PLXNB1: variants seen among roughly 807,000 people sequenced by gnomAD.
The protein encoded by PLXNB1 is plexin B1.
PLXNB1 carries 106 observed loss-of-function variants against 209.4 expected under a neutral mutation model. That is an observed-to-expected ratio of 0.51 (90% confidence interval 0.43 to 0.59). The LOEUF is 0.59. PLXNB1 is among the 20% of genes least tolerant of loss of function. The pLI, the probability that PLXNB1 is intolerant of heterozygous loss-of-function variation, is 0.00. For missense variants in PLXNB1, 2,357 were observed against 2,853.2 expected (o/e 0.83, Z 3.96); for synonymous variants, 1,167 against 1,183.2 (o/e 0.99, Z 0.28).
chr3:48,419,086 C>G lies in PLXNB1; in HGVS notation c.2833-47G>C. 1.9e-6 allele frequency: 3 copies of G among 1,605,922 alleles called. No individual in the cohort carries two copies. The highest frequency in any genetic ancestry group is 2.6e-6 in the Non-Finnish European group (3 of 1,173,782). On this transcript the variant is annotated intron_variant, in intron 12 of 37. Coordinates refer to ENST00000296440, the MANE Select transcript of PLXNB1 (RefSeq NM_001130082.3). This position sits in a 1 kb window ranked among gnomAD's most constrained non-coding sequence, Gnocchi z 5.7. Reference sequence around the variant, plus strand: ...GTTGGGCAGCTTCAGGAGCTGGGCCCAGGGAGTCCTGCAGGTCACCCAACA... The same window carrying G: ...GTTGGGCAGCTTCAGGAGCTGGGCCGAGGGAGTCCTGCAGGTCACCCAACA...
At position 48,424,189 on chromosome 3, in the gene PLXNB1, T is replaced by C; in HGVS notation, c.423A>G (p.Gln141=). The change falls in exon 3 of 38, where the codon CAA becomes CAG. Residue 141 remains glutamine (Q), a synonymous_variant. Coordinates refer to ENST00000296440, the MANE Select transcript of PLXNB1 (RefSeq NM_001130082.3). The part of the protein sequence containing the change: ...LLRPERPGDT[Q]YVAANDPAVS... Reference sequence around the variant, plus strand: ...CCGCAGGATCATTGGCAGCCACATATTGTGTGTCCCCAGGCCGCTCTGGCC... The same window carrying C: ...CCGCAGGATCATTGGCAGCCACATACTGTGTGTCCCCAGGCCGCTCTGGCC... 1 of 1,590,068 alleles carries C rather than the reference T, an allele frequency of 6.3e-7. No individual in the cohort carries two copies. Among genetic ancestry groups the C allele is most frequent in the Non-Finnish European group, 8.6e-7 (1 of 1,166,980 alleles).
At position 48,422,061 on chromosome 3, in the gene PLXNB1, T is replaced by C. The variant is rs76559400; in HGVS notation, c.1520+44A>G. ...TGGACAGGACAATTATGCAGGAGCATTGTGGGCTTGAGGCTGGGGCTGGGA... is the reference window on the plus strand; with the variant it reads ...TGGACAGGACAATTATGCAGGAGCACTGTGGGCTTGAGGCTGGGGCTGGGA... On this transcript the variant is annotated intron_variant, in intron 6 of 37. Transcript: ENST00000296440. 1.9e-3 allele frequency: 2,855 copies of C among 1,527,960 alleles called. 44 individuals are homozygous for C. The African/African-American group carries it at 0.033, about 18-fold the overall frequency. 94.7% of individuals were successfully genotyped at this position (1,527,960 alleles called of 1,614,324 possible).
At position 48,420,961 on chromosome 3, in the gene PLXNB1, A is replaced by G; in HGVS notation, c.1811-5T>C. The G allele has an allele frequency of 1.2e-6, 2 of 1,604,762 alleles. No homozygotes were observed. Among genetic ancestry groups the G allele is most frequent in the African/African-American group, 2.7e-5 (2 of 74,814 alleles). ...CCACGCTCACGGATACGTAGTCTGCAGAGGGGGAGAGAGGGCCAGGGTTAA... is the reference window on the plus strand; with the variant it reads ...CCACGCTCACGGATACGTAGTCTGCGGAGGGGGAGAGAGGGCCAGGGTTAA... On this transcript the variant is annotated splice_region_variant and splice_polypyrimidine_tract_variant and intron_variant, in intron 8 of 37. Coordinates refer to ENST00000296440, the MANE Select transcript of PLXNB1 (RefSeq NM_001130082.3).
Position 48,412,886 on chromosome 3 carries a change from CA to C in PLXNB1, c.4709del (p.Val1570GlyfsTer105). 6.2e-7 allele frequency: 1 copy of C among 1,614,022 alleles called. No homozygotes were observed. Among genetic ancestry groups the C allele is most frequent in the Non-Finnish European group, 8.5e-7 (1 of 1,180,030 alleles). On this transcript the variant is annotated frameshift_variant, in exon 25 of 38. Transcript: ENST00000296440. LOFTEE classifies it high-confidence loss of function. ...CAGGGAAGAAGATCCTCTCCGCATA[CA>C]CCTTGTAGTCGAGGAAGGGGATGCC... ...GSGIPFLDYK[V>X]YAERIFFPGH...
rs761853537 is a variant in PLXNB1, at chr3:48,409,296, C to T, written c.6087+33G>A. 6.4e-7 allele frequency: 1 copy of T among 1,555,350 alleles called. No homozygotes were observed. Among genetic ancestry groups the T allele is most frequent in the Non-Finnish European group, 8.6e-7 (1 of 1,158,836 alleles). ...CACACACAGCACTGTCCACCCTCAC[C>T]CATCCCCCCGTGTCCATCCCAGACT... On this transcript the variant is annotated intron_variant, in intron 34 of 37. Coordinates refer to ENST00000296440, the MANE Select transcript of PLXNB1 (RefSeq NM_001130082.3). This position sits in a 1 kb window ranked among gnomAD's most constrained non-coding sequence, Gnocchi z 5.8.
In PLXNB1 at chr3:48,418,656, A is replaced by AC. The variant is rs776664000; in HGVS notation, c.2956-115dup. 3.0e-6 allele frequency: 3 copies of AC among 997,726 alleles called. No homozygotes were observed. Among genetic ancestry groups the AC allele is most frequent in the Non-Finnish European group, 4.5e-6 (3 of 659,784 alleles). 61.8% of individuals were successfully genotyped at this position (997,726 alleles called of 1,614,324 possible). A position where few individuals can be genotyped will look rare whatever the true frequency, so the allele number is the denominator to read the frequency against. ...CAGTTAGGAGCATAGGGTCAGAGGGACCCCATGGGGCCACAAGTTGGAGGG... is the reference window on the plus strand; with the variant it reads ...CAGTTAGGAGCATAGGGTCAGAGGGACCCCCATGGGGCCACAAGTTGGAGGG... On this transcript the variant is annotated intron_variant, in intron 13 of 37. Transcript: ENST00000296440. This position sits in a 1 kb window ranked among gnomAD's most constrained non-coding sequence, Gnocchi z 6.6.
At position 48,424,234 on chromosome 3, in the gene PLXNB1, C is replaced by A. The variant is rs1297047832; in HGVS notation, c.378G>T (p.Gln126His). ...QGVCEQRRLGQLEQLLLRPER... is the reference protein window; with the variant it reads ...QGVCEQRRLGHLEQLLLRPER... ...CTGGCCGCAGCAGCAGCTGCTCGAGCTGCCCCAGGCGCCGCTGTTCACAGA... is the reference window on the plus strand; with the variant it reads ...CTGGCCGCAGCAGCAGCTGCTCGAGATGCCCCAGGCGCCGCTGTTCACAGA... The change falls in exon 3 of 38, where the codon CAG becomes CAT. Residue 126 changes from glutamine to histidine, a missense_variant. Gln to His is a conservative substitution (Grantham distance 24, BLOSUM62 0). Transcript: ENST00000296440. The A allele has an allele frequency of 6.2e-7, 1 of 1,601,048 alleles. No homozygotes were observed. Among genetic ancestry groups the A allele is most frequent in the Non-Finnish European group, 8.5e-7 (1 of 1,172,928 alleles).
At position 48,420,902 on chromosome 3, in the gene PLXNB1, G is replaced by A; in HGVS notation, c.1865C>T (p.Thr622Ile). ...LRFGAVVIAK[T>I]SLSFYDCVAV... is the part of the protein sequence containing the mutation. ...CACACAGTCATAGAAAGAGAGGGAA[G>A]TTTTGGCGATCACAACAGCGCCAAA... The change falls in exon 9 of 38, where the codon ACT becomes ATT. Residue 622 changes from threonine to isoleucine, a missense_variant. This residue lies in a region of PLXNB1 where 214 missense variants were observed against 297.1 expected (regional missense o/e 0.72). Transcript: ENST00000296440. 1.9e-6 allele frequency: 3 copies of A among 1,613,872 alleles called. No individual in the cohort carries two copies. Among genetic ancestry groups the A allele is most frequent in the Non-Finnish European group, 2.5e-6 (3 of 1,179,750 alleles).
In PLXNB1 at chr3:48,416,239, G is replaced by A; in HGVS notation, c.3481-72C>T. ...GAGGCAGGGACAGCCTGAGAGACAG[G>A]CTGGCCCAGGACTGGGAGCCCCACC... On this transcript the variant is annotated intron_variant, in intron 17 of 37. Transcript: ENST00000296440. This position sits in a 1 kb window ranked among gnomAD's most constrained non-coding sequence, Gnocchi z 4.1. 2 of 1,552,164 alleles carry A rather than the reference G, an allele frequency of 1.3e-6. No individual in the cohort carries two copies. Among genetic ancestry groups the A allele is most frequent in the South Asian group, 2.3e-5 (2 of 85,792 alleles).
chr3:48,421,141 C>A, intron 8 of PLXNB1, 87 bp downstream of exon 8: 1 of 1,489,408 alleles, frequency 6.7e-7, no homozygotes, highest in Admixed American at 1.9e-5. Flanking sequence ...CCATTCATGG[C>A]TCTTTGCCTG....
chr3:48,407,186 C>T, intron 34 of PLXNB1, 95 bp from the exon 35 acceptor site: 2 of 1,177,096 alleles, frequency 1.7e-6, no homozygotes, highest in South Asian at 1.3e-5. Context: ...AGTACTGCTT[C>T]AGTTTTGAAA....
chr3:48,405,763 C>T lies in PLXNB1; in HGVS notation c.6264G>A (p.Leu2088=), dbSNP rs2037280061. 3.7e-6 allele frequency: 6 copies of T among 1,613,654 alleles called. No individual in the cohort carries two copies. The highest frequency in any genetic ancestry group is 5.1e-6 in the Non-Finnish European group (6 of 1,179,874). Residue 2088 remains leucine, a synonymous_variant, in exon 37 of 38, where the codon CTG becomes CTA. Coordinates refer to ENST00000296440, the MANE Select transcript of PLXNB1 (RefSeq NM_001130082.3). This position sits in a 1 kb window ranked among gnomAD's most constrained non-coding sequence, Gnocchi z 5.0. The part of the protein sequence containing the change: ...YSGDLGARVA[L]HELYKYINKY... ...TGTTGATGTACTTGTAGAGTTCATG[C>T]AGGGCCACTCGCGCCCCGAGGTCTC... is the stretch of plus-strand genomic sequence containing the variant.
rs371822763 is a variant in PLXNB1, at chr3:48,409,465, C to T, written c.5951G>A (p.Arg1984Lys). ...HIWKTNSLPL[R>K]FWINIIKNPQ... is the part of the protein sequence containing the mutation. ...GTTTTTTATTATATTGATCCAGAAC[C>T]TCAGAGGCAAGCTGCGGGTGGGGCA... is the stretch of plus-strand genomic sequence containing the variant. The change falls in exon 34 of 38, where the codon AGG becomes AAG. Residue 1984 changes from arginine to lysine, a missense_variant. By Grantham distance (26) the Arg-to-Lys change is conservative. Transcript: ENST00000296440. This position sits in a 1 kb window ranked among gnomAD's most constrained non-coding sequence, Gnocchi z 5.8. 2 of 1,614,036 alleles carry T rather than the reference C, an allele frequency of 1.2e-6. No homozygotes were observed. Among genetic ancestry groups the T allele is most frequent in the East Asian group, 2.2e-5 (1 of 44,884 alleles).
At position 48,409,532 on chromosome 3, in the gene PLXNB1, C is replaced by G. The variant is rs746791897; in HGVS notation, c.5939+39G>C. On this transcript the variant is annotated intron_variant, in intron 33 of 37. Coordinates refer to ENST00000296440, the MANE Select transcript of PLXNB1 (RefSeq NM_001130082.3). The surrounding 1 kb of genome is among the most constrained non-coding windows in gnomAD (Gnocchi z 5.8). ...GTGCTGGGGAGGCAGAAGAGAAGAC[C>G]CCCCACACACACCTAGAGCCCACCC... 1.2e-6 allele frequency: 2 copies of G among 1,613,612 alleles called. No individual in the cohort carries two copies. The highest frequency in any genetic ancestry group is 2.7e-5 in the African/African-American group (2 of 74,864).
rs1300076770 is a variant in PLXNB1, at chr3:48,412,536, C to T, written c.4939G>A (p.Gly1647Arg). ...ATGTCAGTGAAATACTCAAGCTTCC[C>T]ATGCAGTGCCACGGTGAGCAGAGAT... ...VASLLTVALH[G>R]KLEYFTDILR... Residue 1647 changes from glycine to arginine, a missense_variant, in exon 26 of 38, where the codon GGG becomes AGG. Physicochemically the swap from Gly to Arg is moderately radical, Grantham distance 125. Transcript: ENST00000296440. The T allele has an allele frequency of 6.2e-7, 1 of 1,613,576 alleles. No homozygotes were observed. The highest frequency in any genetic ancestry group is 8.5e-7 in the Non-Finnish European group (1 of 1,180,050).
chr3:48,405,829 A>G lies in PLXNB1; in HGVS notation c.6229-31T>C, dbSNP rs1176911646. 1 of 1,590,178 alleles carries G rather than the reference A, an allele frequency of 6.3e-7. No individual in the cohort carries two copies. The highest frequency in any genetic ancestry group is 1.3e-5 in the African/African-American group (1 of 74,560). ...GAAGAGGCCAAATGAAAGGTGAGAGAGACGAGGGGTGCAGAGAGCCACAGG... is the reference window on the plus strand; with the variant it reads ...GAAGAGGCCAAATGAAAGGTGAGAGGGACGAGGGGTGCAGAGAGCCACAGG... On this transcript the variant is annotated intron_variant, in intron 36 of 37. Coordinates refer to ENST00000296440, the MANE Select transcript of PLXNB1 (RefSeq NM_001130082.3). This position sits in a 1 kb window ranked among gnomAD's most constrained non-coding sequence, Gnocchi z 5.0.
intron 6 of PLXNB1, 90 bp from the exon 7 acceptor site, chr3:48,421,896 C>A: frequency 6.6e-7 from 1 of 1,524,604 alleles, no homozygotes; most frequent in Non-Finnish European, 8.8e-7. Context: ...AGGACCTGGG[C>A]AGGGCCCTAG....
At chr3:48,421,468 G>A (rs1214314119) in intron 7 of PLXNB1, 84 bp from the exon 8 acceptor site, 3 of 1,429,494 alleles carry the variant, frequency 2.1e-6, no homozygotes, top group Non-Finnish European at 2.8e-6. Flanking sequence ...AATGTGGGCA[G>A]GCACCAGCAA....
In PLXNB1 at chr3:48,411,639, C is replaced by G. The variant is rs1052439347; in HGVS notation, c.5247+224G>C. 4.6e-5 allele frequency among the ~76,000 whole-genome samples: 7 copies of G among 152,158 alleles called. No individual in the cohort carries two copies. The highest frequency in any genetic ancestry group is 8.8e-5 in the Non-Finnish European group (6 of 68,026). On this transcript the variant is annotated intron_variant, in intron 28 of 37. Coordinates refer to ENST00000296440, the MANE Select transcript of PLXNB1 (RefSeq NM_001130082.3). The surrounding 1 kb of genome is among the most constrained non-coding windows in gnomAD (Gnocchi z 4.0). ...TGGTTGTGGCTACCCTAGTTCCATC[C>G]CTAGCCTGGGGCACATAGAGGCCTT...
Sources: allele counts gnomAD v4.1 joint callset (sites outside exome capture counted in the v4.1 genomes callset), GRCh38; gene constraint gnomAD v4.1.1; regional missense constraint gnomAD v4.1.1; non-coding constraint Gnocchi (gnomAD v3.1); transcripts MANE v1.5; gene names NCBI Gene and HGNC (gene_info 2026-07-23, HGNC 2026-07-21).